The following ATP6V1H variants were observed in gnomAD, a reference collection of about 807,000 sequenced individuals.
ATP6V1H encodes the protein ATPase H+ transporting V1 subunit H, also known as V-type proton ATPase subunit H.
ATP6V1H carries 39 observed loss-of-function variants against 71.7 expected under a neutral mutation model. The observed-to-expected ratio is 0.54, with a 90% CI of 0.42 to 0.71. ATP6V1H has a LOEUF of 0.71. ATP6V1H is among the 30% of genes least tolerant of loss of function. The pLI is 0.00. For synonymous variants in ATP6V1H, 192 were observed against 199.3 expected (o/e 0.96, Z 0.31); for missense variants, 509 against 594.9 (o/e 0.86, Z 1.50).
At chr8:53,807,255 T>A (rs1315381382) in intron 7 of ATP6V1H, among the ~76,000 whole-genome samples, 1 of 151,872 alleles carries the variant, frequency 6.6e-6, no homozygotes, top group Admixed American at 6.6e-5. Context: ...ACAAGAATAT[T>A]AGAACTGCCA....
rs1189582328 is a variant in ATP6V1H at position 53,795,499 on chromosome 8, T to A, written c.870+148A>T. On this transcript the variant is annotated intron_variant, in intron 9 of 13. Coordinates refer to ENST00000359530, the MANE Select transcript of ATP6V1H (RefSeq NM_015941.4). ...CACTGCCCACACCATAAATACAAAT[T>A]AGTGATATTTTACTCTATATTCACC... The A allele has an allele frequency of 4.3e-6, 3 of 696,202 alleles. No individual in the cohort carries two copies. In the Admixed American group the frequency reaches 8.7e-5, roughly 20 times the overall value. The allele number at this position is 696,202 out of a possible 1,614,324, so 43.1% of individuals were successfully genotyped here. A position where few individuals can be genotyped will look rare whatever the true frequency, so the allele number is the denominator to read the frequency against.
rs1265187829 is a variant in ATP6V1H at position 53,819,567 on chromosome 8, T to C, written c.307-2037A>G. On this transcript the variant is annotated intron_variant, in intron 4 of 13. Transcript: ENST00000359530. The stretch of plus-strand genomic sequence containing the variant: ...AAAAGCATATATATATATATATATA[T>C]ATATATATATATATATATAAAATAC... Among the ~76,000 whole-genome samples the C allele has an allele frequency of 2.4e-5, 3 of 127,450 alleles. 1 individual carries two copies. Among genetic ancestry groups the C allele is most frequent in the Admixed American group, 7.9e-5 (1 of 12,732 alleles). 83.6% of individuals were successfully genotyped at this position (127,450 alleles called of 152,430 possible).
At chr8:53,834,861 G>T (rs915884897) in intron 2 of ATP6V1H, among the ~76,000 whole-genome samples, 1 of 151,454 alleles carries the variant, frequency 6.6e-6, no homozygotes, top group Non-Finnish European at 1.5e-5. Context: ...GCACAGTTAG[G>T]CTAGGTGCAG....
At chr8:53,753,600 A>G (rs867227210) in intron 12 of ATP6V1H, among the ~76,000 whole-genome samples, 4 of 152,334 alleles carry the variant, frequency 2.6e-5, no homozygotes, top group Middle Eastern at 3.4e-3. Flanking sequence ...AGCGTTTTAA[A>G]ACTATCATAT....
In ATP6V1H at chr8:53,766,314, A is replaced by G. The variant is rs929498411; in HGVS notation, c.1175+3304T>C. 1.1e-4 allele frequency among the ~76,000 whole-genome samples: 16 copies of G among 152,312 alleles called. No individual in the cohort carries two copies. In the Middle Eastern group the frequency reaches 0.01, roughly 97 times the overall value. ...TTCATGGACACTTATCACTTCCCCA[A>G]TCAATACCCTTGTGATTTCCTATGC... On this transcript the variant is annotated intron_variant, in intron 11 of 13. Transcript: ENST00000359530.
At chr8:53,756,286 C>A in intron 12 of ATP6V1H, 8 of 186,592 alleles carry the variant, frequency 4.3e-5, no homozygotes, top group Admixed American at 7.1e-5. Context: ...GAAGGGGTTT[C>A]ACCATCTTAG....
chr8:53,796,583 T>C (rs1809748642), intron 8 of ATP6V1H, among the ~76,000 whole-genome samples: 1 of 150,822 alleles, frequency 6.6e-6, no homozygotes, highest in Non-Finnish European at 1.5e-5. Flanking sequence ...GAGCCTACCA[T>C]TTAAAAAGAA....
intron 11 of ATP6V1H, among the ~76,000 whole-genome samples, chr8:53,760,308 T>C (rs1009485467): frequency 1.3e-5 from 2 of 152,182 alleles, no homozygotes; most frequent in Non-Finnish European, 2.9e-5. Context: ...CAAGTGAGCA[T>C]GCACACAACT....
chr8:53,765,955 A>C (rs1467729082), intron 11 of ATP6V1H, among the ~76,000 whole-genome samples: 1 of 152,242 alleles, frequency 6.6e-6, no homozygotes, highest in Non-Finnish European at 1.5e-5. Context: ...AGATCGCTGA[A>C]ACAGAACAGA....
At position 53,763,534 on chromosome 8, in the gene ATP6V1H, T is replaced by C. The variant is rs1808348688; in HGVS notation, c.1175+6084A>G. On this transcript the variant is annotated intron_variant, in intron 11 of 13. Transcript: ENST00000359530. Reference sequence around the variant, plus strand: ...ACAGCTTCAACAGAATCCCTATTAGTCCAAACTGGGTTCCTTGTAGATTTT... The same window carrying C: ...ACAGCTTCAACAGAATCCCTATTAGCCCAAACTGGGTTCCTTGTAGATTTT... Among the ~76,000 whole-genome samples, 2 of 152,150 alleles carry C rather than the reference T, an allele frequency of 1.3e-5. 1 individual carries two copies. The highest frequency in any genetic ancestry group is 2.9e-5 in the Non-Finnish European group (2 of 68,026).
At position 53,829,308 on chromosome 8, in the gene ATP6V1H, C is replaced by A. The variant is rs983806127; in HGVS notation, c.306+136G>T. Reference sequence around the variant, plus strand: ...AGCTCTATTAGCAAATTACAACCCACATAAATGAGAAAAATATATTATTAT... The same window carrying A: ...AGCTCTATTAGCAAATTACAACCCAAATAAATGAGAAAAATATATTATTAT... On this transcript the variant is annotated intron_variant, in intron 4 of 13. Transcript: ENST00000359530. 6.7e-6 allele frequency: 4 copies of A among 595,186 alleles called. No individual in the cohort carries two copies. The African/African-American group carries it at 7.9e-5, about 12-fold the overall frequency. 36.9% of individuals were successfully genotyped at this position (595,186 alleles called of 1,614,324 possible). A position where few individuals can be genotyped will look rare whatever the true frequency, so the allele number is the denominator to read the frequency against.
intron 11 of ATP6V1H, among the ~76,000 whole-genome samples, chr8:53,757,409 A>G (rs1350283407): frequency 6.6e-6 from 1 of 152,138 alleles, no homozygotes; most frequent in Admixed American, 6.5e-5. Flanking sequence ...GCTGCTCAGA[A>G]TCCAAGGAGC....
intron 9 of ATP6V1H, among the ~76,000 whole-genome samples, chr8:53,794,353 C>CTTT (rs1313748939): frequency 2.0e-5 from 3 of 152,028 alleles, no homozygotes; most frequent in Non-Finnish European, 4.4e-5. Context: ...ATCTGTACCA[C>CTTT]TTTTTATTTT....
chr8:53,783,347 T>C (rs895405748), intron 9 of ATP6V1H, among the ~76,000 whole-genome samples: 22 of 152,246 alleles, frequency 1.4e-4, no homozygotes, highest in Non-Finnish European at 4.4e-5. Flanking sequence ...TTTATAGTAT[T>C]CTCTGATGGT....
At chr8:53,828,217 T>A (rs1314612151) in intron 4 of ATP6V1H, among the ~76,000 whole-genome samples, 1 of 152,132 alleles carries the variant, frequency 6.6e-6, no homozygotes, top group Non-Finnish European at 1.5e-5. Flanking sequence ...GTTGTATGGG[T>A]CCACAACTCT....
At chr8:53,817,220 C>G (rs1389659021) in intron 5 of ATP6V1H, among the ~76,000 whole-genome samples, 197 bp downstream of exon 5, 4 of 150,420 alleles carry the variant, frequency 2.7e-5, no homozygotes, top group African/African-American at 9.8e-5. Context: ...AAAATAAAAA[C>G]CTTTCTTCTT....
chr8:53,827,677 G>A (rs1187930888), intron 4 of ATP6V1H, among the ~76,000 whole-genome samples: 1 of 151,922 alleles, frequency 6.6e-6, no homozygotes, highest in Non-Finnish European at 1.5e-5. Context: ...TCATGTCAAG[G>A]GGGTATGTTG....
chr8:53,837,945 C>T (rs556411027), intron 2 of ATP6V1H, among the ~76,000 whole-genome samples: 1 of 152,034 alleles, frequency 6.6e-6, no homozygotes, highest in Non-Finnish European at 1.5e-5. Context: ...AGGGAAGCAG[C>T]AAGGATGGCC....
intron 7 of ATP6V1H, among the ~76,000 whole-genome samples, chr8:53,802,284 T>C (rs943382403): frequency 6.6e-6 from 1 of 152,068 alleles, no homozygotes; most frequent in Non-Finnish European, 1.5e-5. Flanking sequence ...ACAATAAAAT[T>C]AACAAAAAGA....
Sources: gnomAD v4.1 joint callset for allele counts (sites outside exome capture counted in the v4.1 genomes callset) on GRCh38, gnomAD v4.1.1 for gene constraint, MANE v1.5 for transcripts, NCBI Gene and HGNC (gene_info 2026-07-23, HGNC 2026-07-21) for gene names.